The following MAP3K9 variants were observed in gnomAD, a reference collection of about 807,000 sequenced individuals.
The protein encoded by MAP3K9 is mitogen-activated protein kinase kinase kinase 9, also known as mixed lineage kinase 1 (tyr and ser/thr specificity).
In MAP3K9, 46 loss-of-function variants were observed where a neutral mutation model predicts 95.8. The observed-to-expected ratio is 0.48, with a 90% CI of 0.38 to 0.61. MAP3K9 has a LOEUF of 0.61. Among genes scored for constraint, MAP3K9 ranks in the 20% least tolerant of loss-of-function variants. MAP3K9 has a pLI of 0.00. For missense variants in MAP3K9, 1,296 were observed against 1,474.3 expected (o/e 0.88, Z 1.98); for synonymous variants, 533 against 593.8 (o/e 0.90, Z 1.49).
At chr14:70,739,379 C>T (rs569370584) in intron 7 of MAP3K9, among the ~76,000 whole-genome samples, 1 of 152,282 alleles carries the variant, frequency 6.6e-6, no homozygotes, top group Admixed American at 6.5e-5. Flanking sequence ...ATCTGCCCGC[C>T]TCAGCCTCCC....
rs371140481 is a variant in MAP3K9 at position 70,800,902 on chromosome 14, G to A, written c.585C>T (p.Phe195=). Residue 195 remains phenylalanine, a synonymous_variant, in exon 2 of 12, where the codon TTC becomes TTT. Transcript: ENST00000554752. Reference sequence around the variant, plus strand: ...TGATGTTGGGGTGCTTCAGCATGGCGAAGAGCTTGGCCTCTTGGCGAACAT... The same window carrying A: ...TGATGTTGGGGTGCTTCAGCATGGCAAAGAGCTTGGCCTCTTGGCGAACAT... The part of the protein sequence containing the change: ...IENVRQEAKL[F]AMLKHPNIIA... The A allele has an allele frequency of 8.3e-5, 134 of 1,614,064 alleles. No homozygotes were observed. The highest frequency in any genetic ancestry group is 5.3e-4 in the Admixed American group (32 of 59,996).
chr14:70,740,603 A>G (rs2054056561), intron 6 of MAP3K9, among the ~76,000 whole-genome samples: 1 of 152,272 alleles, frequency 6.6e-6, no homozygotes, highest in Non-Finnish European at 1.5e-5. Flanking sequence ...GTGCAGGCAC[A>G]GCAGGGTATC....
chr14:70,730,906 A>G, intron 11 of MAP3K9, 42 bp from the exon 12 acceptor site: 2 of 1,560,116 alleles, frequency 1.3e-6, no homozygotes, highest in Non-Finnish European at 1.7e-6. Flanking sequence ...ATGAGGCACC[A>G]TATTTCGGGG....
intron 2 of MAP3K9, among the ~76,000 whole-genome samples, chr14:70,791,169 A>T (rs1389437809): frequency 6.6e-6 from 1 of 152,166 alleles, no homozygotes; most frequent in Middle Eastern, 3.2e-3. Context: ...AGAGGAAGAG[A>T]CTAAATACTC....
intron 2 of MAP3K9, among the ~76,000 whole-genome samples, chr14:70,773,686 T>A (rs952082235): frequency 6.6e-6 from 1 of 152,200 alleles, no homozygotes; most frequent in African/African-American, 2.4e-5. Context: ...CACTGTGCTA[T>A]CTGGAAAGTG....
At chr14:70,801,315 A>G (rs1396437170) in intron 1 of MAP3K9, among the ~76,000 whole-genome samples, 1 of 152,242 alleles carries the variant, frequency 6.6e-6, no homozygotes, top group African/African-American at 2.4e-5. Context: ...TTCATGAAAA[A>G]AAATCCCACC....
At chr14:70,762,970 T>C (rs2054395626) in intron 2 of MAP3K9, among the ~76,000 whole-genome samples, 1 of 150,630 alleles carries the variant, frequency 6.6e-6, no homozygotes, top group Non-Finnish European at 1.5e-5. Context: ...GCAGCCCCAT[T>C]TGTTTAAAGA....
chr14:70,770,426 C>T lies in MAP3K9; in HGVS notation c.821-9244G>A, dbSNP rs569511651. Among the ~76,000 whole-genome samples, 7 of 152,132 alleles carry T rather than the reference C, an allele frequency of 4.6e-5. No individual in the cohort carries two copies. The East Asian group carries it at 7.7e-4, about 17-fold the overall frequency. ...CTCGAACTCCTGACATCAAGTGATC[C>T]GCCTGCCTCGGCCTCCCAAAGTGCT... On this transcript the variant is annotated intron_variant, in intron 2 of 11. Coordinates refer to ENST00000554752, the MANE Select transcript of MAP3K9 (RefSeq NM_001284230.2).
chr14:70,782,489 T>C (rs2054693159), intron 2 of MAP3K9, among the ~76,000 whole-genome samples: 1 of 152,168 alleles, frequency 6.6e-6, no homozygotes, highest in African/African-American at 2.4e-5. Context: ...TCCCATCACC[T>C]TGCAGGCAAG....
chr14:70,732,455 G>A (rs1334197123), intron 11 of MAP3K9, 84 bp downstream of exon 11: 1 of 1,473,446 alleles, frequency 6.8e-7, no homozygotes, highest in African/African-American at 1.4e-5. Flanking sequence ...ATCCCGAAGT[G>A]GAAAGAGAAA....
chr14:70,759,749 G>A (rs1461549254), intron 3 of MAP3K9, among the ~76,000 whole-genome samples: 1 of 152,130 alleles, frequency 6.6e-6, no homozygotes, highest in Non-Finnish European at 1.5e-5. Context: ...AAAAACCACT[G>A]ACTTACATGC....
intron 2 of MAP3K9, among the ~76,000 whole-genome samples, chr14:70,763,544 T>C (rs1249864642): frequency 6.6e-6 from 1 of 152,138 alleles, no homozygotes; most frequent in Non-Finnish European, 1.5e-5. Context: ...CTTTTTTTTT[T>C]TTTGGACCCA....
Position 70,756,388 on chromosome 14 carries a change from AATC to A in MAP3K9, c.1001+4611_1001+4613del, listed in dbSNP as rs755350088. Among the ~76,000 whole-genome samples the A allele has an allele frequency of 1.5e-3, 224 of 152,328 alleles. 2 individuals are homozygous for A. The highest frequency in any genetic ancestry group is 3.0e-3 in the Non-Finnish European group (205 of 68,024). Reference sequence around the variant, plus strand: ...GTAGAAAACAATCATGTTACTGAGAAATCATGGTTTTCCATTAAAAAAGGCAAG... The same window carrying A: ...GTAGAAAACAATCATGTTACTGAGAAATGGTTTTCCATTAAAAAAGGCAAG... On this transcript the variant is annotated intron_variant, in intron 3 of 11. Transcript: ENST00000554752.
intron 2 of MAP3K9, chr14:70,765,486 T>C (rs1368773379): frequency 1.4e-6 from 1 of 692,862 alleles, no homozygotes; most frequent in Non-Finnish European, 2.6e-6. Context: ...ATGGTGAGTG[T>C]TCTGTAAAGA....
At chr14:70,757,026 T>A (rs75872683) in intron 3 of MAP3K9, among the ~76,000 whole-genome samples, 1 of 152,312 alleles carries the variant, frequency 6.6e-6, no homozygotes, top group East Asian at 1.9e-4. Context: ...AAAGTTAAAC[T>A]CATTTCTTCT....
chr14:70,730,609 G>C lies in MAP3K9; in HGVS notation c.3086C>G (p.Pro1029Arg). The change falls in exon 12 of 12, where the codon CCC (proline) becomes CGC (arginine). Residue 1029 changes from proline to arginine, a missense_variant. Coordinates refer to ENST00000554752, the MANE Select transcript of MAP3K9 (RefSeq NM_001284230.2). ...SPANSSSTETPSNLDSCFASS... is the reference protein window; with the variant it reads ...SPANSSSTETRSNLDSCFASS... The stretch of plus-strand genomic sequence containing the variant: ...AGCAAAGCAGGAGTCCAGGTTGCTG[G>C]GCGTCTCTGTGCTGGAGCTGTTGGC... 6.2e-7 allele frequency: 1 copy of C among 1,613,998 alleles called. No homozygotes were observed.
chr14:70,733,061 G>A lies in MAP3K9; in HGVS notation c.2308C>T (p.Leu770=), dbSNP rs2053933467. ...LAATGLGFDL[L]EAGKCQLLPL... is the part of the protein sequence containing the mutation. The stretch of plus-strand genomic sequence containing the variant: ...AGCAGCTGGCACTTGCCAGCTTCCA[G>A]CAAGTCAAACCCTAGGCCTGTGGCT... Residue 770 remains leucine, a synonymous_variant, in exon 11 of 12, where the codon CTG becomes TTG. Transcript: ENST00000554752. 1.2e-6 allele frequency: 2 copies of A among 1,614,042 alleles called. No individual in the cohort carries two copies. The highest frequency in any genetic ancestry group is 3.3e-5 in the Admixed American group (2 of 60,006).
At position 70,761,038 on chromosome 14, in the gene MAP3K9, C is replaced by T. The variant is rs770124979; in HGVS notation, c.965G>A (p.Arg322Gln). The T allele has an allele frequency of 3.1e-6, 5 of 1,613,880 alleles. No homozygotes were observed. Among genetic ancestry groups the T allele is most frequent in the East Asian group, 4.5e-5 (2 of 44,874 alleles). ...ACTGCCTTTGGAAAACATGGAGGCCCGGATGACTTCGGGTGCCATCCAAGC... is the reference window on the plus strand; with the variant it reads ...ACTGCCTTTGGAAAACATGGAGGCCTGGATGACTTCGGGTGCCATCCAAGC... The part of the protein sequence containing the change: ...TYAWMAPEVI[R>Q]ASMFSKGSDV... Residue 322 changes from arginine to glutamine, a missense_variant, in exon 3 of 12, where the codon CGG (arginine) becomes CAG (glutamine). By Grantham distance (43) the Arg-to-Gln change is conservative. Coordinates refer to ENST00000554752, the MANE Select transcript of MAP3K9 (RefSeq NM_001284230.2).
At chr14:70,758,586 A>G (rs949270481) in intron 3 of MAP3K9, among the ~76,000 whole-genome samples, 1 of 152,234 alleles carries the variant, frequency 6.6e-6, no homozygotes, top group African/African-American at 2.4e-5. Flanking sequence ...TGTTTACACA[A>G]AAGCTTGTGT....
Sources: gnomAD v4.1 joint callset for allele counts (sites outside exome capture counted in the v4.1 genomes callset) on GRCh38, gnomAD v4.1.1 for gene constraint, MANE v1.5 for transcripts, NCBI Gene and HGNC (gene_info 2026-07-23, HGNC 2026-07-21) for gene names.